Variants in ALMS1 observed in about 807,000 individuals in gnomAD.
ALMS1 encodes centrosome-associated protein ALMS1.
ALMS1 carries 271 observed loss-of-function variants against 352.2 expected under a neutral mutation model. The ratio of observed to expected loss-of-function variants is 0.77; its 90% CI spans 0.70 to 0.85. ALMS1 has a LOEUF of 0.85. Ranked by LOEUF, ALMS1 falls within the 40% of genes least tolerant of loss-of-function variation. The pLI is 0.00. For missense variants in ALMS1, 5,445 were observed against 4,870.7 expected, an observed-to-expected ratio of 1.12 and a Z score of -3.51; for synonymous variants, 1,865 against 1,761.2, an observed-to-expected ratio of 1.06 and a Z score of -1.48.
chr2:73,416,019 A>C (rs1671175466), intron 2 of ALMS1, among the ~76,000 whole-genome samples: 1 of 152,170 alleles, frequency 6.6e-6, no homozygotes, highest in South Asian at 2.1e-4. Flanking sequence ...CAGAGGATGG[A>C]CAGAAAGACT....
intron 10 of ALMS1, among the ~76,000 whole-genome samples, chr2:73,518,475 T>C (rs1371323989): frequency 1.3e-5 from 2 of 152,202 alleles, no homozygotes; most frequent in East Asian, 1.9e-4. Flanking sequence ...TCTTTGGGTA[T>C]GTACACAGCA....
intron 6 of ALMS1, 29 bp downstream of exon 6, chr2:73,426,582 G>A (rs1486770070): frequency 1.2e-6 from 2 of 1,601,992 alleles, no homozygotes; most frequent in Non-Finnish European, 1.7e-6. Flanking sequence ...ATAGTTGTAA[G>A]AAACGTGGCC....
At position 73,453,529 on chromosome 2, in the gene ALMS1, G is replaced by C. The variant is rs1329963822; in HGVS notation, c.7002G>C (p.Lys2334Asn). The change falls in exon 8 of 23, where the codon AAG becomes AAC. Residue 2334 changes from lysine (K) to asparagine (N), a missense_variant. Transcript: ENST00000613296. ...GCCCAAGCAGCAGGTGCATACAGAAGGATATTGGCACACAGACGAATTTGA... is the reference window on the plus strand; with the variant it reads ...GCCCAAGCAGCAGGTGCATACAGAACGATATTGGCACACAGACGAATTTGA... ...EESPSSRCIQ[K>N]DIGTQTNLKC... 1 of 1,613,754 alleles carries C rather than the reference G, an allele frequency of 6.2e-7. No individual in the cohort carries two copies. The highest frequency in any genetic ancestry group is 1.7e-5 in the Admixed American group (1 of 59,924).
In ALMS1 at chr2:73,490,289, A is replaced by T. The variant is rs763130563; in HGVS notation, c.8330A>T (p.His2777Leu). The change falls in exon 10 of 23, where the codon CAT becomes CTT. Residue 2777 changes from histidine to leucine, a missense_variant. Physicochemically the swap from His to Leu is moderately conservative, Grantham distance 99. Transcript: ENST00000613296. ...TCTTCCCCTTCATCATTTAAAATGC[A>T]TAGTAATTCACAAGATAAAGAAGTG... The part of the protein sequence containing the change: ...KTSSPSSFKM[H>L]SNSQDKEVTI... 1.2e-6 allele frequency: 2 copies of T among 1,613,352 alleles called. No homozygotes were observed. Among genetic ancestry groups the T allele is most frequent in the Non-Finnish European group, 1.7e-6 (2 of 1,179,738 alleles).
At chr2:73,479,742 G>A (rs189111276) in intron 9 of ALMS1, among the ~76,000 whole-genome samples, 2 of 152,262 alleles carry the variant, frequency 1.3e-5, no homozygotes, top group Admixed American at 6.5e-5. Context: ...GCCCAGGATT[G>A]CAATTGCTGG....
intron 9 of ALMS1, among the ~76,000 whole-genome samples, chr2:73,460,361 G>C (rs1672163286): frequency 6.6e-6 from 1 of 152,106 alleles, no homozygotes; most frequent in African/African-American, 2.4e-5. Flanking sequence ...TATCTATCTA[G>C]AATTGCATGT....
At chr2:73,593,012 C>A (rs1245182579) in intron 16 of ALMS1, among the ~76,000 whole-genome samples, 1 of 152,070 alleles carries the variant, frequency 6.6e-6, no homozygotes, top group Non-Finnish European at 1.5e-5. Flanking sequence ...GCTGATAATG[C>A]CATTTAATAT....
At chr2:73,607,255 A>G (rs1675836406) in intron 21 of ALMS1, among the ~76,000 whole-genome samples, 1 of 152,256 alleles carries the variant, frequency 6.6e-6, no homozygotes, top group Non-Finnish European at 1.5e-5. Context: ...ATGACACTAA[A>G]AATTCTGAAA....
intron 1 of ALMS1, among the ~76,000 whole-genome samples, chr2:73,392,260 ATGTGTG>A (rs60487895): frequency 0.032 from 4,655 of 146,124 alleles, 63 homozygotes; most frequent in Middle Eastern, 0.066. Flanking sequence ...GTTTACTTTG[ATGTGTG>A]TGTGTGTGTG....
chr2:73,386,319 G>C, intron 1 of ALMS1, 127 bp downstream of exon 1: 2 of 1,325,516 alleles, frequency 1.5e-6, no homozygotes, highest in Non-Finnish European at 2.0e-6. Flanking sequence ...AGGCTAGTAG[G>C]CGGCCCAGAC....
intron 1 of ALMS1, among the ~76,000 whole-genome samples, chr2:73,387,196 G>T (rs569621087): frequency 2.2e-4 from 33 of 152,262 alleles, no homozygotes; most frequent in African/African-American, 7.9e-4. Flanking sequence ...ATTCCAGGGG[G>T]TACTTAATTC....
intron 3 of ALMS1, among the ~76,000 whole-genome samples, chr2:73,420,303 T>C (rs185785130): frequency 6.6e-6 from 1 of 152,270 alleles, no homozygotes; most frequent in East Asian, 1.9e-4. Flanking sequence ...ATGGGATTTG[T>C]ATTATAATGG....
intron 11 of ALMS1, among the ~76,000 whole-genome samples, chr2:73,529,174 G>A (rs1336826034): frequency 6.6e-6 from 1 of 151,232 alleles, no homozygotes; most frequent in Non-Finnish European, 1.5e-5. Context: ...CTCCCGAGTA[G>A]CTGGAACTAC....
chr2:73,386,548 G>C (rs1670538671), intron 1 of ALMS1, among the ~76,000 whole-genome samples: 1 of 152,108 alleles, frequency 6.6e-6, no homozygotes, highest in Admixed American at 6.5e-5. Context: ...GTTGCCTGGG[G>C]AGCATCTTGT....
rs965159530 is a variant in ALMS1 at position 73,605,694 on chromosome 2, T to C, written c.12362+2390T>C. Among the ~76,000 whole-genome samples, 3 of 152,048 alleles carry C rather than the reference T, an allele frequency of 2.0e-5. No homozygotes were observed. The East Asian group carries it at 5.8e-4, about 29-fold the overall frequency. On this transcript the variant is annotated intron_variant, in intron 21 of 22. Transcript: ENST00000613296. Reference sequence around the variant, plus strand: ...GACTTCTCTACTAAAACTACAAAAATTAGCTGGGCATGGTGGTGGGTACCT... The same window carrying C: ...GACTTCTCTACTAAAACTACAAAAACTAGCTGGGCATGGTGGTGGGTACCT...
At chr2:73,558,832 T>C (rs1231594138) in intron 14 of ALMS1, 140 bp from the exon 15 acceptor site, 3 of 925,260 alleles carry the variant, frequency 3.2e-6, no homozygotes, top group Admixed American at 2.5e-5. Flanking sequence ...TTTTCAATTA[T>C]TTTCTAAACG....
At chr2:73,585,741 T>TTTTTTTTTC (rs1553420024) in intron 16 of ALMS1, among the ~76,000 whole-genome samples, 13 of 148,638 alleles carry the variant, frequency 8.7e-5, no homozygotes, top group South Asian at 4.3e-4. Flanking sequence ...TTTTTTTTTT[T>TTTTTTTTTC]CCCCGAGACG....
chr2:73,450,187 T>C lies in ALMS1; in HGVS notation c.3660T>C (p.Pro1220=). 6.2e-7 allele frequency: 1 copy of C among 1,613,898 alleles called. No individual in the cohort carries two copies. The highest frequency in any genetic ancestry group is 8.5e-7 in the Non-Finnish European group (1 of 1,179,910). Residue 1220 remains proline (P), a synonymous_variant, in exon 8 of 23, where the codon CCT becomes CCC. Coordinates refer to ENST00000613296, the MANE Select transcript of ALMS1 (RefSeq NM_001378454.1). ...HIPEEAQKVS[P]VLGPADQKTG... is the part of the protein sequence containing the mutation. ...CTGAAGAGGCACAGAAAGTTTCACC[T>C]GTTCTTGGACCAGCTGACCAGAAGA...
chr2:73,455,193 T>C lies in ALMS1; in HGVS notation c.7572T>C (p.Asp2524=). 6.2e-7 allele frequency: 1 copy of C among 1,613,318 alleles called. No individual in the cohort carries two copies. The highest frequency in any genetic ancestry group is 8.5e-7 in the Non-Finnish European group (1 of 1,179,722). ...ATATGAAGTTCAATTTAGCACATGATTGTGGATACTCCATTTCAGAATTAA... is the reference window on the plus strand; with the variant it reads ...ATATGAAGTTCAATTTAGCACATGACTGTGGATACTCCATTTCAGAATTAA... ...AWNMKFNLAH[D]CGYSISELNE... Residue 2524 remains aspartate (D), a synonymous_variant, in exon 9 of 23, where the codon GAT becomes GAC. Transcript: ENST00000613296.
Sources: allele counts gnomAD v4.1 joint callset (sites outside exome capture counted in the v4.1 genomes callset), GRCh38; gene constraint gnomAD v4.1.1; transcripts MANE v1.5; gene names NCBI Gene and HGNC (gene_info 2026-07-23, HGNC 2026-07-21).